DGKB: variants seen among roughly 807,000 people sequenced by gnomAD.
DGKB encodes 90 kDa diacylglycerol kinase.
In DGKB, 67 loss-of-function variants were observed where a neutral mutation model predicts 114.3. The ratio of observed to expected loss-of-function variants is 0.59; its 90% confidence interval spans 0.48 to 0.72. DGKB has a LOEUF of 0.72. DGKB is among the 30% of genes least tolerant of loss of function. The pLI is 0.00. For missense variants in DGKB, 907 were observed against 975.2 expected, an observed-to-expected ratio of 0.93 and a Z score of 0.93; for synonymous variants, 398 against 323.1, an observed-to-expected ratio of 1.23 and a Z score of -2.49.
At position 14,417,041 on chromosome 7, in the gene DGKB, A is replaced by C. The variant is rs371643793; in HGVS notation, c.1835+61120T>G. 3.3e-5 allele frequency among the ~76,000 whole-genome samples: 5 copies of C among 152,228 alleles called. No homozygotes were observed. The East Asian group carries it at 9.7e-4, about 29-fold the overall frequency. On this transcript the variant is annotated intron_variant, in intron 21 of 25. Coordinates refer to ENST00000402815, the MANE Select transcript of DGKB (RefSeq NM_001350709.2). ...TACATGTTCTTGATTATAAAGATAC[A>C]CATATTTAATGGAAAGAACTAGGAC...
Position 14,672,912 on chromosome 7 carries a change from G to A in DGKB, c.1134+17C>T, listed in dbSNP as rs1175362576. 6.9e-7 allele frequency: 1 copy of A among 1,450,686 alleles called. No individual in the cohort carries two copies. The highest frequency in any genetic ancestry group is 2.0e-5 in the Admixed American group (1 of 50,768). The allele number at this position is 1,450,686 out of a possible 1,614,324, so 89.9% of individuals were successfully genotyped here. Reference sequence around the variant, plus strand: ...CAGCAATCCTAAGTTATAGTAGAATGATAAGGAAAAACTCACCAGTACCAC... The same window carrying A: ...CAGCAATCCTAAGTTATAGTAGAATAATAAGGAAAAACTCACCAGTACCAC... On this transcript the variant is annotated intron_variant, in intron 13 of 25. Transcript: ENST00000402815.
chr7:14,916,350 T>C (rs1192885123), intron 1 of DGKB, among the ~76,000 whole-genome samples: 3 of 152,086 alleles, frequency 2.0e-5, no homozygotes, highest in Admixed American at 2.0e-4. Context: ...AATCCCATTA[T>C]ATAAATAGTC....
At chr7:14,942,703 A>T (rs1785632446) in intron 1 of DGKB, among the ~76,000 whole-genome samples, 1 of 151,598 alleles carries the variant, frequency 6.6e-6, no homozygotes, top group Non-Finnish European at 1.5e-5. Flanking sequence ...TGACTTTTCC[A>T]CTTTGTCTTC....
intron 23 of DGKB, among the ~76,000 whole-genome samples, chr7:14,277,089 T>G (rs1799125276): frequency 6.6e-6 from 1 of 152,164 alleles, no homozygotes; most frequent in East Asian, 1.9e-4. Flanking sequence ...AAAAAATATC[T>G]AATTGAAATT....
chr7:14,882,056 T>C (rs1854310716), intron 1 of DGKB, among the ~76,000 whole-genome samples: 1 of 150,874 alleles, frequency 6.6e-6, no homozygotes, highest in South Asian at 2.1e-4. Context: ...ATGTAAGTTA[T>C]ATTTTTAACT....
intron 23 of DGKB, among the ~76,000 whole-genome samples, chr7:14,332,874 T>C (rs1809972438): frequency 6.6e-6 from 1 of 152,178 alleles, no homozygotes; most frequent in Non-Finnish European, 1.5e-5. Context: ...AATAAACTTT[T>C]GCATGATGGG....
intron 1 of DGKB, among the ~76,000 whole-genome samples, chr7:14,963,451 G>A (rs1422521328): frequency 6.6e-6 from 1 of 152,094 alleles, no homozygotes; most frequent in Admixed American, 6.6e-5. Flanking sequence ...CAAAATAAAA[G>A]TTCAGTGGAA....
At chr7:14,511,030 A>C (rs1787905597) in intron 20 of DGKB, among the ~76,000 whole-genome samples, 1 of 152,190 alleles carries the variant, frequency 6.6e-6, no homozygotes, top group African/African-American at 2.4e-5. Flanking sequence ...TTGCACAGTT[A>C]GAGTAGATTT....
chr7:14,631,443 C>T (rs1809694778), intron 13 of DGKB, among the ~76,000 whole-genome samples: 2 of 151,866 alleles, frequency 1.3e-5, no homozygotes, highest in South Asian at 4.1e-4. Flanking sequence ...AGGAATACAG[C>T]TCTATTTGGA....
chr7:14,172,654 G>C (rs982336611), intron 25 of DGKB, among the ~76,000 whole-genome samples: 1 of 152,050 alleles, frequency 6.6e-6, no homozygotes, highest in African/African-American at 2.4e-5. Flanking sequence ...GAGAGATATG[G>C]GGAGGCAAAT....
intron 23 of DGKB, among the ~76,000 whole-genome samples, chr7:14,254,705 A>G (rs928314324): frequency 7.2e-5 from 11 of 152,204 alleles, no homozygotes; most frequent in African/African-American, 2.4e-4. Context: ...TTACCTAAAA[A>G]TCTTTCTTTC....
intron 23 of DGKB, among the ~76,000 whole-genome samples, chr7:14,261,096 A>AT (rs1443259825): frequency 1.3e-5 from 2 of 152,158 alleles, no homozygotes; most frequent in African/African-American, 4.8e-5. Flanking sequence ...AAAAAAATTA[A>AT]TTGGGCAATT....
chr7:14,952,881 G>T (rs1786283221), intron 1 of DGKB, among the ~76,000 whole-genome samples: 1 of 151,982 alleles, frequency 6.6e-6, no homozygotes, highest in African/African-American at 2.4e-5. Context: ...ATAAATCAAT[G>T]GAATATAATT....
chr7:14,936,324 G>C (rs188899913), intron 1 of DGKB, among the ~76,000 whole-genome samples: 130 of 152,200 alleles, frequency 8.5e-4, no homozygotes, highest in Admixed American at 1.5e-3. Context: ...AAATGAAAAG[G>C]AGGCTAAAAT....
At chr7:14,915,295 T>G (rs1323282386) in intron 1 of DGKB, among the ~76,000 whole-genome samples, 1 of 152,130 alleles carries the variant, frequency 6.6e-6, no homozygotes, top group African/African-American at 2.4e-5. Flanking sequence ...GGAGAATCAC[T>G]TGAGCCCAGG....
At chr7:14,244,782 C>T (rs1169369844) in intron 23 of DGKB, among the ~76,000 whole-genome samples, 1 of 151,510 alleles carries the variant, frequency 6.6e-6, no homozygotes, top group African/African-American at 2.4e-5. Context: ...TTGGCCCTCT[C>T]ACATGTGAGG....
chr7:14,291,613 T>C (rs1801780261), intron 23 of DGKB, among the ~76,000 whole-genome samples: 1 of 152,042 alleles, frequency 6.6e-6, no homozygotes. Context: ...CTTGAACTCT[T>C]TCTGACATTT....
chr7:14,215,556 A>C (rs1321816714), intron 23 of DGKB, among the ~76,000 whole-genome samples: 1 of 152,174 alleles, frequency 6.6e-6, no homozygotes, highest in African/African-American at 2.4e-5. Flanking sequence ...ATTAGCATAC[A>C]AATGTTTTAC....
rs1007050439 is a variant in DGKB at position 14,209,698 on chromosome 7, C to G, written c.2123-31547G>C. ...TACTTAAATAGTCTATCTTCCCTAA[C>G]AAGAAATAAAGAAAAACTTCAGACA... On this transcript the variant is annotated intron_variant, in intron 23 of 25. Coordinates refer to ENST00000402815, the MANE Select transcript of DGKB (RefSeq NM_001350709.2). 15 of 289,884 alleles carry G rather than the reference C, an allele frequency of 5.2e-5. No homozygotes were observed. In the Admixed American group the frequency reaches 6.9e-4, roughly 13 times the overall value. The allele number at this position is 289,884 out of a possible 1,614,324, so 18.0% of individuals were successfully genotyped here.
Sources: gnomAD v4.1 joint callset for allele counts (sites outside exome capture counted in the v4.1 genomes callset) on GRCh38, gnomAD v4.1.1 for gene constraint, MANE v1.5 for transcripts, NCBI Gene and HGNC (gene_info 2026-07-23, HGNC 2026-07-21) for gene names.